The following SYN3 variants were observed in gnomAD, a reference collection of about 807,000 sequenced individuals.
SYN3 encodes the protein synapsin III.
Under a neutral mutation model 65.8 loss-of-function variants are expected in SYN3, and 35 were observed. The ratio of observed to expected loss-of-function variants is 0.53; its 90% CI spans 0.41 to 0.70. The LOEUF is 0.70. Ranked by LOEUF, SYN3 falls within the 30% of genes least tolerant of loss-of-function variation. The probability of loss-of-function intolerance (pLI) is 0.00; values close to 1 mark genes in which losing one functional copy is unlikely to be tolerated. For missense variants in SYN3, 680 were observed against 749.0 expected (o/e 0.91, Z 1.08); for synonymous variants, 270 against 292.9 (o/e 0.92, Z 0.80).
At chr22:32,720,140 G>A (rs1415816777) in intron 6 of SYN3, among the ~76,000 whole-genome samples, 3 of 152,322 alleles carry the variant, frequency 2.0e-5, no homozygotes, top group Non-Finnish European at 4.4e-5. Flanking sequence ...GGCCCCATGT[G>A]CTTTTTGTGA....
intron 7 of SYN3, among the ~76,000 whole-genome samples, chr22:32,559,301 G>A (rs533679960): frequency 9.2e-5 from 14 of 152,210 alleles, no homozygotes; most frequent in Non-Finnish European, 1.9e-4. Flanking sequence ...GACAATGGCA[G>A]GGTTGGGTGG....
chr22:32,535,792 C>G (rs574077629), intron 9 of SYN3, among the ~76,000 whole-genome samples: 33 of 143,270 alleles, frequency 2.3e-4, no homozygotes, highest in South Asian at 9.0e-4. Flanking sequence ...GGGGGGGGGG[C>G]CCTGCTCCCC....
At chr22:33,052,394 C>T (rs2054183051) in intron 1 of SYN3, among the ~76,000 whole-genome samples, 1 of 151,962 alleles carries the variant, frequency 6.6e-6, no homozygotes, top group African/African-American at 2.4e-5. Context: ...GAATCCTCCT[C>T]CTCCTCCTCT....
intron 6 of SYN3, among the ~76,000 whole-genome samples, chr22:32,819,636 A>G (rs988986891): frequency 2.6e-5 from 4 of 152,172 alleles, no homozygotes; most frequent in Admixed American, 1.3e-4. Flanking sequence ...CCCTCTTGGC[A>G]TAGATCTGCC....
intron 4 of SYN3, among the ~76,000 whole-genome samples, chr22:32,881,893 T>C (rs895544325): frequency 2.6e-5 from 4 of 152,034 alleles, no homozygotes; most frequent in Middle Eastern, 3.4e-3. Context: ...CCGTCTCTAC[T>C]AAAAATACAA....
At chr22:32,803,204 C>T (rs943002951) in intron 6 of SYN3, among the ~76,000 whole-genome samples, 3 of 151,884 alleles carry the variant, frequency 2.0e-5, no homozygotes, top group South Asian at 2.1e-4. Context: ...ACAGCCTTGC[C>T]GCCCTCTGCC....
At chr22:32,768,933 C>A (rs2045695519) in intron 6 of SYN3, among the ~76,000 whole-genome samples, 1 of 152,168 alleles carries the variant, frequency 6.6e-6, no homozygotes, top group South Asian at 2.1e-4. Context: ...CCTTCCAGTA[C>A]CTATTCCATA....
chr22:32,688,989 T>C (rs1328665548), intron 6 of SYN3, among the ~76,000 whole-genome samples: 1 of 152,236 alleles, frequency 6.6e-6, no homozygotes, highest in Non-Finnish European at 1.5e-5. Flanking sequence ...TCAATTTCTT[T>C]AATTGCAAAA....
At chr22:32,882,749 G>A (rs887035870) in intron 4 of SYN3, among the ~76,000 whole-genome samples, 28 of 151,782 alleles carry the variant, frequency 1.8e-4, no homozygotes, top group African/African-American at 6.3e-4. Context: ...AAGCAAACAT[G>A]GCAAAATGTT....
chr22:32,548,253 C>T (rs2058362447), intron 7 of SYN3, among the ~76,000 whole-genome samples: 1 of 152,220 alleles, frequency 6.6e-6, no homozygotes, highest in Non-Finnish European at 1.5e-5. Context: ...TGGGGTTTCA[C>T]CATGTTGGCC....
chr22:32,891,403 TC>T (rs1290150323), intron 4 of SYN3, among the ~76,000 whole-genome samples: 1 of 152,202 alleles, frequency 6.6e-6, no homozygotes, highest in Non-Finnish European at 1.5e-5. Flanking sequence ...GGCTTCTGAA[TC>T]CTGTCACTTC....
chr22:32,559,909 G>C (rs988360806), intron 7 of SYN3, among the ~76,000 whole-genome samples: 1 of 152,240 alleles, frequency 6.6e-6, no homozygotes, highest in Non-Finnish European at 1.5e-5. Flanking sequence ...TCAGGAGTTG[G>C]GTGAGTGGGC....
At chr22:32,572,207 G>A (rs1162094082) in intron 7 of SYN3, among the ~76,000 whole-genome samples, 2 of 75,876 alleles carry the variant, frequency 2.6e-5, no homozygotes, top group African/African-American at 9.6e-5. Flanking sequence ...GGCTTAAAGA[G>A]GAGTTACCAT....
At chr22:32,970,754 T>C (rs2051995624) in intron 3 of SYN3, among the ~76,000 whole-genome samples, 2 of 152,188 alleles carry the variant, frequency 1.3e-5, no homozygotes, top group Non-Finnish European at 2.9e-5. Flanking sequence ...AAACACCTCA[T>C]ATGAATTTGT....
At chr22:32,805,468 C>T (rs1002882600) in intron 6 of SYN3, among the ~76,000 whole-genome samples, 26 of 152,170 alleles carry the variant, frequency 1.7e-4, no homozygotes, top group Admixed American at 2.6e-4. Flanking sequence ...TTTGGAGAGG[C>T]GCCAGCACTT....
chr22:32,869,674 C>T (rs1317750488), intron 4 of SYN3, among the ~76,000 whole-genome samples: 1 of 142,904 alleles, frequency 7.0e-6, no homozygotes, highest in East Asian at 2.2e-4. Flanking sequence ...GATCTCAAAT[C>T]AACCAACACA....
intron 6 of SYN3, among the ~76,000 whole-genome samples, chr22:32,726,616 T>C (rs2061198220): frequency 6.6e-6 from 1 of 152,212 alleles, no homozygotes. Flanking sequence ...TTTTCATGTA[T>C]GAGAGCTCAT....
intron 3 of SYN3, among the ~76,000 whole-genome samples, chr22:32,956,041 C>CACATATATATATATATATATATAT (rs541947799): frequency 2.3e-5 from 3 of 130,676 alleles, no homozygotes; most frequent in African/African-American, 1.0e-4. Context: ...AATAAATTCA[C>CACATATATATATATATATATATAT]ATATATATAT....
intron 4 of SYN3, among the ~76,000 whole-genome samples, chr22:32,884,261 G>A (rs1370066837): frequency 1.3e-5 from 2 of 152,196 alleles, no homozygotes; most frequent in African/African-American, 4.8e-5. Flanking sequence ...GCACACAAGA[G>A]CTCATTTAAT....
Sources: allele counts gnomAD v4.1 joint callset (sites outside exome capture counted in the v4.1 genomes callset), GRCh38; gene constraint gnomAD v4.1.1; transcripts MANE v1.5; gene names NCBI Gene and HGNC (gene_info 2026-07-23, HGNC 2026-07-21).